Variants in KHDRBS2 observed in about 807,000 individuals in gnomAD.
KHDRBS2 encodes the protein KH domain-containing, RNA-binding, signal transduction-associated protein 2.
Under a neutral mutation model 44.3 loss-of-function variants are expected in KHDRBS2, and 26 were observed. The ratio of observed to expected loss-of-function variants is 0.59; its 90% CI spans 0.43 to 0.81. The LOEUF is 0.81. Ranked by LOEUF, KHDRBS2 falls within the 40% of genes least tolerant of loss-of-function variation. KHDRBS2 has a pLI of 0.00. For synonymous variants in KHDRBS2, 194 were observed against 151.1 expected, an observed-to-expected ratio of 1.28 and a Z score of -2.08; for missense variants, 476 against 433.1, an observed-to-expected ratio of 1.10 and a Z score of -0.88.
chr6:62,165,545 C>A (rs1473633750), intron 2 of KHDRBS2, among the ~76,000 whole-genome samples: 2 of 151,712 alleles, frequency 1.3e-5, no homozygotes, highest in South Asian at 2.1e-4. Flanking sequence ...AAAACTAAAT[C>A]AATCTTGCAT....
At chr6:62,104,025 G>A (rs1008504677) in intron 2 of KHDRBS2, among the ~76,000 whole-genome samples, 7 of 151,912 alleles carry the variant, frequency 4.6e-5, no homozygotes, top group Non-Finnish European at 1.0e-4. Context: ...ATACATAAGG[G>A]GCTGAAGAAC....
intron 2 of KHDRBS2, among the ~76,000 whole-genome samples, chr6:62,061,369 G>C (rs1791821351): frequency 6.6e-6 from 1 of 151,502 alleles, no homozygotes; most frequent in Admixed American, 6.6e-5. Context: ...GGCAGGCCTG[G>C]TGGTGACAAA....
At chr6:62,263,640 C>A (rs1838727467) in intron 1 of KHDRBS2, among the ~76,000 whole-genome samples, 1 of 151,652 alleles carries the variant, frequency 6.6e-6, no homozygotes, top group Admixed American at 6.6e-5. Context: ...CATCTCTTCA[C>A]AAAGGTACAT....
chr6:62,068,792 A>C (rs1185072079), intron 2 of KHDRBS2, among the ~76,000 whole-genome samples: 2 of 151,694 alleles, frequency 1.3e-5, no homozygotes, highest in African/African-American at 4.8e-5. Flanking sequence ...TATTATAAAA[A>C]ATCAATTGAC....
chr6:62,243,277 T>C (rs1005234589), intron 1 of KHDRBS2, among the ~76,000 whole-genome samples: 3 of 152,144 alleles, frequency 2.0e-5, no homozygotes, highest in Non-Finnish European at 2.9e-5. Context: ...CAGTAAACAC[T>C]GAGTTTCTAT....
At chr6:61,556,794 C>T in the KHDRBS2 span, among the ~76,000 whole-genome samples, 1 of 150,302 alleles carries the variant, frequency 6.7e-6, no homozygotes, top group African/African-American at 2.5e-5. Flanking sequence ...ATTCAAAAGG[C>T]ATGTACTAAA....
At chr6:61,742,259 T>G in intron 6 of KHDRBS2, among the ~76,000 whole-genome samples, 1 of 152,068 alleles carries the variant, frequency 6.6e-6, no homozygotes, top group Middle Eastern at 3.4e-3. Context: ...TGTCCCTGTC[T>G]TAGCTTATTT....
the KHDRBS2 span, among the ~76,000 whole-genome samples, chr6:61,555,940 G>A: frequency 3.3e-5 from 5 of 152,210 alleles, no homozygotes; most frequent in Admixed American, 6.5e-5. Context: ...CACTCTAAAG[G>A]ACAGTGTTAG....
intron 6 of KHDRBS2, among the ~76,000 whole-genome samples, chr6:61,832,197 G>A (rs929512630): frequency 6.6e-6 from 1 of 152,122 alleles, no homozygotes; most frequent in African/African-American, 2.4e-5. Flanking sequence ...TTGGCCTACT[G>A]CATTCCAGCC....
chr6:62,229,779 C>T (rs537188040), intron 1 of KHDRBS2, among the ~76,000 whole-genome samples: 3 of 152,202 alleles, frequency 2.0e-5, no homozygotes, highest in East Asian at 3.9e-4. Flanking sequence ...TCAGGTGGGC[C>T]GCCATACCAC....
At chr6:61,866,367 G>A (rs986381675) in intron 6 of KHDRBS2, among the ~76,000 whole-genome samples, 6 of 152,218 alleles carry the variant, frequency 3.9e-5, no homozygotes, top group African/African-American at 9.6e-5. Context: ...CTGAGGCCAC[G>A]GTCCGAGCTC....
chr6:61,927,479 A>G (rs373095396), intron 4 of KHDRBS2, among the ~76,000 whole-genome samples: 1 of 152,158 alleles, frequency 6.6e-6, no homozygotes, highest in Non-Finnish European at 1.5e-5. Flanking sequence ...CTTGGTACCC[A>G]AAGTGTTGTT....
chr6:61,607,520 C>CAAAAAAAAAAAAAAAAAAAAA, the KHDRBS2 span, among the ~76,000 whole-genome samples: 3 of 41,098 alleles, frequency 7.3e-5, no homozygotes, highest in Admixed American at 4.9e-4. Flanking sequence ...GAGTTCCAAG[C>CAAAAAAAAAAAAAAAAAAAAA]AAAAAAAAAA....
At chr6:62,099,169 G>C (rs1801303430) in intron 2 of KHDRBS2, among the ~76,000 whole-genome samples, 1 of 152,052 alleles carries the variant, frequency 6.6e-6, no homozygotes, top group South Asian at 2.1e-4. Flanking sequence ...TGTGGGGTGA[G>C]GTCATGGTTC....
At chr6:62,040,213 C>T (rs1718869176) in intron 3 of KHDRBS2, among the ~76,000 whole-genome samples, 1 of 151,842 alleles carries the variant, frequency 6.6e-6, no homozygotes, top group African/African-American at 2.4e-5. Context: ...CAGAACAAAA[C>T]TAAACTAAAA....
chr6:62,242,603 T>TGGTA (rs1464078047), intron 1 of KHDRBS2, among the ~76,000 whole-genome samples: 1 of 151,880 alleles, frequency 6.6e-6, no homozygotes, highest in African/African-American at 2.4e-5. Flanking sequence ...GGAGAACCAT[T>TGGTA]GGTAATACAG....
chr6:62,255,550 A>G (rs1837234013), intron 1 of KHDRBS2, among the ~76,000 whole-genome samples: 1 of 151,490 alleles, frequency 6.6e-6, no homozygotes, highest in Admixed American at 6.6e-5. Flanking sequence ...CCATTTCTGT[A>G]AATACTATTA....
chr6:61,806,012 G>A (rs1486394877), intron 6 of KHDRBS2, among the ~76,000 whole-genome samples: 4 of 152,110 alleles, frequency 2.6e-5, no homozygotes, highest in Admixed American at 2.0e-4. Flanking sequence ...CAGGAAGATA[G>A]GCTTCAGAGT....
chr6:61,750,238 T>C (rs1479481085), intron 6 of KHDRBS2, among the ~76,000 whole-genome samples: 1 of 152,200 alleles, frequency 6.6e-6, no homozygotes, highest in African/African-American at 2.4e-5. Flanking sequence ...GTCTCTGATA[T>C]ACTTAAATCT....
Sources: allele counts gnomAD v4.1 joint callset (sites outside exome capture counted in the v4.1 genomes callset), GRCh38; gene constraint gnomAD v4.1.1; transcripts MANE v1.5; gene names NCBI Gene and HGNC (gene_info 2026-07-23, HGNC 2026-07-21).